The following LIPA variants were observed in gnomAD, a reference collection of about 807,000 sequenced individuals.
LIPA encodes lipase A, lysosomal acid type.
A neutral mutation model predicts 40.6 loss-of-function variants in LIPA; 26 were observed. The ratio of observed to expected loss-of-function variants is 0.64; its 90% CI spans 0.47 to 0.89. The LOEUF (loss-of-function observed/expected upper bound fraction) is 0.89. LIPA is among the 40% of genes least tolerant of loss of function. The pLI is 0.00. For synonymous variants in LIPA, 188 were observed against 168.4 expected, an observed-to-expected ratio of 1.12 and a Z score of -0.90; for missense variants, 455 against 479.6, an observed-to-expected ratio of 0.95 and a Z score of 0.48.
At chr10:89,346,452 A>C (rs566383910), upstream of LIPA, among the ~76,000 whole-genome samples, 1 of 152,206 alleles carries the variant, frequency 6.6e-6, no homozygotes, top group Non-Finnish European at 1.5e-5. Flanking sequence ...TTCACCCTGC[A>C]ACACAAGCTC....
intron 1 of LIPA, among the ~76,000 whole-genome samples, chr10:89,413,151 A>G (rs1300037456): frequency 6.6e-6 from 1 of 152,244 alleles, no homozygotes; most frequent in Non-Finnish European, 1.5e-5. Flanking sequence ...TAATCACTGG[A>G]AATACTTGCT....
At chr10:89,339,573 G>T in intron 1 of LIPA, 2 of 1,614,196 alleles carry the variant, frequency 1.2e-6, no homozygotes, top group Non-Finnish European at 1.7e-6. Flanking sequence ...ATAAAGAGAT[G>T]ATTGAAGCAC....
chr10:89,362,688 T>G, intron 2 of LIPA: 1 of 659,294 alleles, frequency 1.5e-6, no homozygotes. Flanking sequence ...TTGCAAGAAG[T>G]TTGCAAATGC....
chr10:89,281,276 G>C (rs1843313278), intron 1 of LIPA, among the ~76,000 whole-genome samples: 1 of 151,986 alleles, frequency 6.6e-6, no homozygotes, highest in South Asian at 2.1e-4. Flanking sequence ...CCCCCACCCT[G>C]ATATACAATT....
chr10:89,379,436 A>G (rs192749404), intron 2 of LIPA, among the ~76,000 whole-genome samples: 1 of 152,306 alleles, frequency 6.6e-6, no homozygotes, highest in African/African-American at 2.4e-5. Flanking sequence ...GAAATTTTGT[A>G]GGCATTGTGA....
At chr10:89,256,588 T>A (rs998576589), upstream of LIPA, among the ~76,000 whole-genome samples, 3 of 152,230 alleles carry the variant, frequency 2.0e-5, no homozygotes, top group African/African-American at 7.2e-5. Flanking sequence ...TTGAGCAGCA[T>A]TTCTGTGTGT....
chr10:89,322,682 C>A (rs60065434), intron 1 of LIPA, among the ~76,000 whole-genome samples: 5,225 of 152,184 alleles, frequency 0.034, 309 homozygotes, highest in African/African-American at 0.12. Context: ...AGAAGACCAG[C>A]ACTGGTGCCA....
At chr10:89,319,624 A>C (rs1356236667) in intron 1 of LIPA, among the ~76,000 whole-genome samples, 1 of 152,242 alleles carries the variant, frequency 6.6e-6, no homozygotes, top group Non-Finnish European at 1.5e-5. Flanking sequence ...ACTGAATTCT[A>C]CCAGAGGTAC....
chr10:89,367,935 C>T (rs78341989), intron 2 of LIPA, among the ~76,000 whole-genome samples: 2,946 of 152,226 alleles, frequency 0.019, 41 homozygotes, highest in African/African-American at 0.037. Context: ...CGTTCCACCC[C>T]AGCCTTCCAA....
At chr10:89,340,311 C>A (rs10887948) in intron 1 of LIPA, 148,328 of 545,044 alleles carry the variant, frequency 0.27, 23,155 homozygotes, top group East Asian at 0.57. Flanking sequence ...GTAATCCCAG[C>A]ACTTTGGGAG....
At chr10:89,289,591 C>T (rs1174285645) in intron 1 of LIPA, among the ~76,000 whole-genome samples, 1 of 152,106 alleles carries the variant, frequency 6.6e-6, no homozygotes, top group Non-Finnish European at 1.5e-5. Context: ...GACAAAATTC[C>T]TCTGTTTGGC....
At chr10:89,324,091 A>G (rs1349816438) in intron 1 of LIPA, among the ~76,000 whole-genome samples, 1 of 152,210 alleles carries the variant, frequency 6.6e-6, no homozygotes, top group South Asian at 2.1e-4. Context: ...AGACCAATAG[A>G]ACAGAATAGA....
chr10:89,266,456 C>T (rs905648694), intron 1 of LIPA, among the ~76,000 whole-genome samples: 3 of 152,116 alleles, frequency 2.0e-5, no homozygotes, highest in African/African-American at 7.2e-5. Context: ...ATTTTATGCA[C>T]AAAATGATCT....
chr10:89,403,348 A>G (rs373875117), intron 2 of LIPA: 39 of 1,613,106 alleles, frequency 2.4e-5, no homozygotes, highest in African/African-American at 4.0e-5. Flanking sequence ...AATCACAGAA[A>G]AGCTGAAGAG....
chr10:89,238,556 C>T (rs1164016305), intron 3 of LIPA, among the ~76,000 whole-genome samples: 1 of 152,096 alleles, frequency 6.6e-6, no homozygotes, highest in Non-Finnish European at 1.5e-5. Context: ...CTTCTCCTGT[C>T]TCCCCTTCCA....
chr10:89,304,582 T>C (rs1267601884), intron 1 of LIPA, among the ~76,000 whole-genome samples: 5 of 152,074 alleles, frequency 3.3e-5, no homozygotes, highest in Admixed American at 3.3e-4. Flanking sequence ...GATACAAGGG[T>C]TGCTGTATAG....
intron 1 of LIPA, among the ~76,000 whole-genome samples, chr10:89,285,450 T>C (rs565982172): frequency 6.6e-6 from 1 of 152,344 alleles, no homozygotes; most frequent in South Asian, 2.1e-4. Flanking sequence ...TGGTCACAGA[T>C]TCGGGAAGAC....
At chr10:89,252,080 T>C (rs1459185579), upstream of LIPA, 1 of 152,236 alleles carries the variant, frequency 6.6e-6, no homozygotes, top group African/African-American at 2.4e-5. Context: ...GCAAAGGCTG[T>C]TTTAGGCGGC....
intron 2 of LIPA, among the ~76,000 whole-genome samples, chr10:89,400,507 C>G (rs1471128018): frequency 6.6e-6 from 1 of 152,082 alleles, no homozygotes; most frequent in African/African-American, 2.4e-5. Flanking sequence ...AAGTTTATTG[C>G]TAAATATTAT....
Sources: gnomAD v4.1 joint callset for allele counts (sites outside exome capture counted in the v4.1 genomes callset) on GRCh38, gnomAD v4.1.1 for gene constraint, MANE v1.5 for transcripts, NCBI Gene and HGNC (gene_info 2026-07-23, HGNC 2026-07-21) for gene names.